FAH: variants seen among roughly 807,000 people sequenced by gnomAD.
The protein encoded by FAH is fumarylacetoacetate hydrolase, also known as fumarylacetoacetase.
In FAH, 47 loss-of-function variants were observed where a neutral mutation model predicts 55.8. The observed-to-expected ratio is 0.84, with a 90% CI of 0.67 to 1.07. FAH has a LOEUF of 1.07. FAH is among the 50% of genes least tolerant of loss of function. FAH has a pLI of 0.00. For synonymous variants in FAH, 199 were observed against 207.7 expected, an observed-to-expected ratio of 0.96 and a Z score of 0.36; for missense variants, 495 against 545.9, an observed-to-expected ratio of 0.91 and a Z score of 0.93.
chr15:80,185,864 G>A (rs1271035101), intron 13 of FAH, among the ~76,000 whole-genome samples: 1 of 152,190 alleles, frequency 6.6e-6, no homozygotes, highest in Non-Finnish European at 1.5e-5. Flanking sequence ...AACCATATTA[G>A]CCACAGGAAA....
intron 13 of FAH, among the ~76,000 whole-genome samples, chr15:80,184,670 G>A (rs551027780): frequency 6.6e-6 from 1 of 152,268 alleles, no homozygotes; most frequent in East Asian, 1.9e-4. Flanking sequence ...AATAGGTGAG[G>A]TCGTTGCTCT....
At position 80,180,176 on chromosome 15, in the gene FAH, G is replaced by A; in HGVS notation, c.1013G>A (p.Cys338Tyr). The change falls in exon 12 of 14, where the codon TGC becomes TAC. Residue 338 changes from cysteine to tyrosine, a missense_variant. Physicochemically the swap from Cys to Tyr is radical, Grantham distance 194. Transcript: ENST00000561421. ...QQLTHHSVNG[C>Y]NLRPGDLLAS... is the part of the protein sequence containing the mutation. ...CTCACTCACCACTCTGTCAACGGCT[G>A]CAACCTGCGGCCGGGGGACCTCCTG... The A allele has an allele frequency of 1.2e-6, 2 of 1,610,496 alleles. No homozygotes were observed. Among genetic ancestry groups the A allele is most frequent in the Non-Finnish European group, 1.7e-6 (2 of 1,179,978 alleles).
chr15:80,172,371 T>G (rs1595894550), intron 8 of FAH, 123 bp downstream of exon 8: 1 of 719,830 alleles, frequency 1.4e-6, no homozygotes. Flanking sequence ...TGACTGAGAG[T>G]GGGGGTCTGG....
At position 80,173,378 on chromosome 15, in the gene FAH, G is replaced by A. The variant is rs546505287; in HGVS notation, c.837+234G>A. ...TGGCACAGTTCTTGGAGAAAACACA[G>A]AATTTTGTAACCTTAAGAATCTTGC... On this transcript the variant is annotated intron_variant, in intron 9 of 13. Transcript: ENST00000561421. 10 of 617,060 alleles carry A rather than the reference G, an allele frequency of 1.6e-5. No individual in the cohort carries two copies. The African/African-American group carries it at 1.6e-4, about 10-fold the overall frequency. 38.2% of individuals were successfully genotyped at this position (617,060 alleles called of 1,614,324 possible).
intron 8 of FAH, among the ~76,000 whole-genome samples, chr15:80,172,728 C>G (rs1328795509): frequency 6.6e-6 from 1 of 152,224 alleles, no homozygotes; most frequent in African/African-American, 2.4e-5. Context: ...CAGAAAGTGT[C>G]TCTCTCATAG....
intron 4 of FAH, among the ~76,000 whole-genome samples, chr15:80,161,188 CTA>C (rs1266617811): frequency 6.6e-6 from 1 of 152,130 alleles, no homozygotes; most frequent in Non-Finnish European, 1.5e-5. Context: ...TGGGACTGTG[CTA>C]TGTTTTGGCA....
At chr15:80,155,973 C>T (rs2041095555) in intron 1 of FAH, 3 of 474,500 alleles carry the variant, frequency 6.3e-6, no homozygotes, top group African/African-American at 2.0e-5. Context: ...GGACAAGGAG[C>T]GTGACCATTG....
intron 8 of FAH, 105 bp from the exon 9 acceptor site, chr15:80,172,909 A>G: frequency 6.9e-7 from 1 of 1,459,050 alleles, no homozygotes; most frequent in Non-Finnish European, 9.6e-7. Context: ...CTTTGTGGAG[A>G]TGGCAGTGCT....
upstream of FAH, chr15:80,152,851 A>T: frequency 2.4e-6 from 1 of 416,678 alleles, no homozygotes; most frequent in Non-Finnish European, 4.1e-6. Context: ...GGTAGGGGGG[A>T]GGGGCAGGGC....
At chr15:80,177,038 G>A (rs1412423349) in intron 10 of FAH, among the ~76,000 whole-genome samples, 4 of 152,184 alleles carry the variant, frequency 2.6e-5, no homozygotes, top group East Asian at 1.9e-4. Flanking sequence ...GCAACAGCCC[G>A]GTACCTTGCA....
chr15:80,162,537 G>A, intron 5 of FAH: 1 of 635,854 alleles, frequency 1.6e-6, no homozygotes, highest in Non-Finnish European at 2.8e-6. Context: ...TGGGATCGAA[G>A]GGCAAGTCCC....
chr15:80,168,457 C>T, intron 7 of FAH, 141 bp downstream of exon 7: 1 of 771,092 alleles, frequency 1.3e-6, no homozygotes, highest in Admixed American at 1.9e-5. Flanking sequence ...CCCCACCTGG[C>T]CATCAGAAGG....
chr15:80,173,082 G>C lies in FAH; in HGVS notation c.775G>C (p.Val259Leu), dbSNP rs2041254739. 1 of 1,614,230 alleles carries C rather than the reference G, an allele frequency of 6.2e-7. No individual in the cohort carries two copies. The highest frequency in any genetic ancestry group is 8.5e-7 in the Non-Finnish European group (1 of 1,180,026). The part of the protein sequence containing the change: ...PFLGKSFGTT[V>L]SPWVVPMDAL... ...CCTTGGGAAGAGTTTTGGGACCACTGTCTCTCCGTGGGTGGTGCCCATGGA... is the reference window on the plus strand; with the variant it reads ...CCTTGGGAAGAGTTTTGGGACCACTCTCTCTCCGTGGGTGGTGCCCATGGA... The change falls in exon 9 of 14, where the codon GTC (valine) becomes CTC (leucine). Residue 259 changes from valine to leucine, a missense_variant. Transcript: ENST00000561421.
rs768265689 is a variant in FAH, at chr15:80,162,348, G to T, written c.455+12G>T. The T allele has an allele frequency of 6.2e-7, 1 of 1,602,218 alleles. No individual in the cohort carries two copies. Among genetic ancestry groups the T allele is most frequent in the South Asian group, 1.1e-5 (1 of 90,860 alleles). On this transcript the variant is annotated intron_variant, in intron 5 of 13. Transcript: ENST00000561421. ...TTGATGCCAAATTGGTATGAACTGG[G>T]CCAAATGTCTGCATAAGTTCAAAGT...
intron 1 of FAH, among the ~76,000 whole-genome samples, chr15:80,153,755 G>C (rs1326984985): frequency 6.6e-6 from 1 of 152,220 alleles, no homozygotes; most frequent in Non-Finnish European, 1.5e-5. Context: ...AGTCAGTGTA[G>C]TCTGATTGGT....
intron 8 of FAH, 25 bp downstream of exon 8, chr15:80,172,273 T>C: frequency 1.9e-6 from 3 of 1,547,970 alleles, no homozygotes; most frequent in Non-Finnish European, 2.7e-6. Flanking sequence ...TCTGCTCCTG[T>C]AGAGATGACG....
chr15:80,161,183 C>T (rs899329119), intron 4 of FAH, among the ~76,000 whole-genome samples: 7 of 152,188 alleles, frequency 4.6e-5, no homozygotes, highest in Admixed American at 4.6e-4. Flanking sequence ...ACTCATGGGA[C>T]TGTGCTATGT....
chr15:80,153,302 G>T (rs1329062050), intron 1 of FAH, among the ~76,000 whole-genome samples, 167 bp downstream of exon 1: 1 of 152,086 alleles, frequency 6.6e-6, no homozygotes, highest in Non-Finnish European at 1.5e-5. Flanking sequence ...CTCGAGTCCC[G>T]CCTCGTAACT....
At chr15:80,161,356 C>T (rs186076244) in intron 4 of FAH, among the ~76,000 whole-genome samples, 1 of 151,150 alleles carries the variant, frequency 6.6e-6, no homozygotes, top group East Asian at 1.9e-4. Flanking sequence ...AGATGGGAAG[C>T]AGCAGCTAAG....
Sources: allele counts gnomAD v4.1 joint callset (sites outside exome capture counted in the v4.1 genomes callset), GRCh38; gene constraint gnomAD v4.1.1; transcripts MANE v1.5; gene names NCBI Gene and HGNC (gene_info 2026-07-23, HGNC 2026-07-21).